ATIC: variants seen among roughly 807,000 people sequenced by gnomAD.
ATIC encodes the protein 5-aminoimidazole-4-carboxamide ribonucleotide formyltransferase/IMP cyclohydrolase.
ATIC carries 64 observed loss-of-function variants against 72.5 expected under a neutral mutation model. That is an observed-to-expected ratio of 0.88 (90% CI 0.72 to 1.09). The LOEUF (loss-of-function observed/expected upper bound fraction) is 1.09. Among genes scored for constraint, ATIC ranks in the 50% least tolerant of loss-of-function variants. The probability of loss-of-function intolerance (pLI) is 0.00; values close to 1 mark genes in which losing one functional copy is unlikely to be tolerated. For synonymous variants in ATIC, 281 were observed against 267.1 expected (o/e 1.05, Z -0.51); for missense variants, 787 against 732.4 (o/e 1.07, Z -0.86).
chr2:215,365,034 G>A, the ATIC span: 2 of 1,213,968 alleles, frequency 1.6e-6, no homozygotes, highest in Non-Finnish European at 1.2e-6. Flanking sequence ...GAACAATACT[G>A]CAGACTTGAT....
downstream of ATIC, among the ~76,000 whole-genome samples, chr2:215,350,571 G>C (rs2053122970): frequency 6.6e-6 from 1 of 152,214 alleles, no homozygotes. Flanking sequence ...TGGATAATCT[G>C]ATGTATATTT....
chr2:215,312,302 G>C (rs780420306), intron 1 of ATIC, 141 bp downstream of exon 1: 11 of 1,446,278 alleles, frequency 7.6e-6, no homozygotes, highest in Non-Finnish European at 8.3e-6. Flanking sequence ...CCCCGGCCGG[G>C]CCGCAGCCTG....
At chr2:215,348,964 AAAAAT>A in intron 14 of ATIC, 125 bp from the exon 15 acceptor site, 4 of 791,220 alleles carry the variant, frequency 5.1e-6, no homozygotes, top group Non-Finnish European at 7.2e-6. Context: ...CTAAAAAAAA[AAAAAT>A]AATAATAATA....
intron 3 of ATIC, 129 bp downstream of exon 3, chr2:215,318,362 T>C (rs1344277235): frequency 1.1e-6 from 1 of 886,752 alleles, no homozygotes; most frequent in Admixed American, 1.9e-5. Context: ...TGTTATGAAG[T>C]TGCTGCCAGA....
the ATIC span, chr2:215,361,919 A>C: frequency 0.35 from 555,904 of 1,598,568 alleles, 104,814 homozygotes; most frequent in Non-Finnish European, 0.39. Context: ...TACCTGTAGA[A>C]AGAGACTGTC....
the ATIC span, chr2:215,364,457 G>GT: frequency 3.6e-6 from 1 of 278,970 alleles, no homozygotes; most frequent in Non-Finnish European, 7.0e-6. Flanking sequence ...GCCCAGGATG[G>GT]GGAGAACCGG....
Position 215,326,206 on chromosome 2 carries a change from A to G in ATIC, c.531+68A>G, listed in dbSNP as rs2052823899. On this transcript the variant is annotated intron_variant, in intron 6 of 15. Coordinates refer to ENST00000236959, the MANE Select transcript of ATIC (RefSeq NM_004044.7). The stretch of plus-strand genomic sequence containing the variant: ...TGCAGTGTTTGCCAGACCAAGCAGT[A>G]TTCAGTTCTTGGTAGATTGCATTAC... The G allele has an allele frequency of 1.1e-5, 18 of 1,586,684 alleles. No individual in the cohort carries two copies. The Admixed American group carries it at 3.0e-4, about 26-fold the overall frequency.
At chr2:215,347,261 C>G (rs2053081511) in intron 14 of ATIC, 1 of 396,096 alleles carries the variant, frequency 2.5e-6, no homozygotes, top group Non-Finnish European at 4.8e-6. Flanking sequence ...TCACCTACGT[C>G]GAGGTGCCTG....
Position 215,349,120 on chromosome 2 carries a change from A to G in ATIC, c.1530A>G (p.Ala510=). The change falls in exon 15 of 16, where the codon GCA becomes GCG. Residue 510 remains alanine (A), a synonymous_variant. Transcript: ENST00000236959. ...ATGAAGATTTGATAAAGTGGAAGGC[A>G]CTGTTTGAGGAAGTCCCTGAGTTAC... ...GEDEDLIKWK[A]LFEEVPELLT... is the part of the protein sequence containing the mutation. The G allele has an allele frequency of 6.2e-7, 1 of 1,614,140 alleles. No individual in the cohort carries two copies. The highest frequency in any genetic ancestry group is 8.5e-7 in the Non-Finnish European group (1 of 1,180,002).
At chr2:215,361,298 A>C in the ATIC span, 4 of 432,784 alleles carry the variant, frequency 9.2e-6, no homozygotes, top group African/African-American at 7.9e-5. Flanking sequence ...GAATCACTTC[A>C]TTTAAAATAC....
At chr2:215,332,947 A>G (rs1420320678) in intron 8 of ATIC, among the ~76,000 whole-genome samples, 2 of 152,220 alleles carry the variant, frequency 1.3e-5, no homozygotes, top group African/African-American at 4.8e-5. Context: ...CATCTTGCTG[A>G]CAGTCCTCCA....
At chr2:215,333,120 T>G (rs894352753) in intron 8 of ATIC, among the ~76,000 whole-genome samples, 2 of 152,180 alleles carry the variant, frequency 1.3e-5, no homozygotes, top group African/African-American at 2.4e-5. Context: ...ACTGTCAGGC[T>G]TCAGTGGCTC....
the ATIC span, chr2:215,365,812 T>A: frequency 0.3 from 75,982 of 255,328 alleles, 11,562 homozygotes; most frequent in South Asian, 0.49. Flanking sequence ...TTTTATTTTT[T>A]TTTTTTTTTT....
intron 7 of ATIC, among the ~76,000 whole-genome samples, chr2:215,328,941 T>C (rs188990947): frequency 6.9e-4 from 105 of 152,258 alleles, no homozygotes; most frequent in African/African-American, 2.4e-3. Context: ...GGTTTTGAAC[T>C]CCTGACCTCA....
intron 4 of ATIC, 174 bp from the exon 5 acceptor site, chr2:215,325,067 C>A: frequency 1.7e-6 from 1 of 589,318 alleles, no homozygotes; most frequent in South Asian, 2.0e-5. Flanking sequence ...CAGCAGGACA[C>A]CCTGACTTTT....
At chr2:215,331,288 A>G (rs1403260201) in intron 7 of ATIC, among the ~76,000 whole-genome samples, 8 of 151,954 alleles carry the variant, frequency 5.3e-5, no homozygotes, top group Non-Finnish European at 1.0e-4. Flanking sequence ...AGTGCTTAAC[A>G]TCGTAGTAGG....
In ATIC at chr2:215,332,516, C is replaced by G. The variant is rs200251432; in HGVS notation, c.814+9C>G. ...ACATGTCAGCCCAGCAGGTAAAGCT[C>G]TGTGCTCTGGAAAGCTCCAGAATTG... On this transcript the variant is annotated intron_variant, in intron 8 of 15. Transcript: ENST00000236959. The G allele has an allele frequency of 6.2e-7, 1 of 1,614,026 alleles. No individual in the cohort carries two copies. Among genetic ancestry groups the G allele is most frequent in the East Asian group, 2.2e-5 (1 of 44,870 alleles).
the ATIC span, chr2:215,364,962 C>T: frequency 3.6e-5 from 57 of 1,580,050 alleles, no homozygotes; most frequent in Non-Finnish European, 4.6e-5. Flanking sequence ...TATGTCTTCC[C>T]ATCATCATAA....
downstream of ATIC, among the ~76,000 whole-genome samples, chr2:215,350,633 C>T (rs889678947): frequency 6.6e-6 from 1 of 152,206 alleles, no homozygotes; most frequent in African/African-American, 2.4e-5. Context: ...CCGAGATTCA[C>T]CCTCTGGAGC....
Sources: gnomAD v4.1 joint callset for allele counts (sites outside exome capture counted in the v4.1 genomes callset) on GRCh38, gnomAD v4.1.1 for gene constraint, MANE v1.5 for transcripts, NCBI Gene and HGNC (gene_info 2026-07-23, HGNC 2026-07-21) for gene names.